Variants in ZZZ3 observed in about 807,000 individuals in gnomAD.
ZZZ3 encodes the protein ZZ-type zinc finger-containing protein 3.
Under a neutral mutation model 95.2 loss-of-function variants are expected in ZZZ3, and 22 were observed. The observed-to-expected ratio is 0.23, with a 90% CI of 0.17 to 0.33. The LOEUF (loss-of-function observed/expected upper bound fraction) is 0.33, where lower values mean the gene tolerates loss of function less well. Among genes scored for constraint, ZZZ3 ranks in the 10% least tolerant of loss-of-function variants. The probability of loss-of-function intolerance (pLI) is 1.00; values close to 1 mark genes in which losing one functional copy is unlikely to be tolerated. For missense variants in ZZZ3, 885 were observed against 1,066.5 expected (o/e 0.83, Z 2.37); for synonymous variants, 335 against 358.9 (o/e 0.93, Z 0.75).
In ZZZ3 at chr1:77,565,467, G is replaced by C; in HGVS notation, c.*173C>G. 1 of 600,916 alleles carries C rather than the reference G, an allele frequency of 1.7e-6. No homozygotes were observed. The allele number at this position is 600,916 out of a possible 1,614,324, so 37.2% of individuals were successfully genotyped here. A position where few individuals can be genotyped will look rare whatever the true frequency, so the allele number is the denominator to read the frequency against. On this transcript the variant is annotated 3_prime_UTR_variant, in exon 15 of 15. Transcript: ENST00000370801. Reference sequence around the variant, plus strand: ...CAGGAATGTTCAGCTGCTGAACAGTGATCTAGAGCCACAACGGTGCAGAGC... The same window carrying C: ...CAGGAATGTTCAGCTGCTGAACAGTCATCTAGAGCCACAACGGTGCAGAGC...
At chr1:77,639,404 G>A in intron 4 of ZZZ3, 45 bp downstream of exon 4, 5 of 1,413,744 alleles carry the variant, frequency 3.5e-6, no homozygotes, top group Admixed American at 3.0e-5. Flanking sequence ...AGAAGAAGAA[G>A]TCAAACTATA....
chr1:77,594,519 C>T (rs569413780), intron 5 of ZZZ3, among the ~76,000 whole-genome samples: 80 of 152,080 alleles, frequency 5.3e-4, no homozygotes, highest in Non-Finnish European at 8.7e-4. Context: ...ACAGAAACTA[C>T]AAAAGAAAAT....
At chr1:77,585,972 AGAC>A (rs755201379) in intron 5 of ZZZ3, among the ~76,000 whole-genome samples, 28 of 152,226 alleles carry the variant, frequency 1.8e-4, no homozygotes, top group Non-Finnish European at 1.0e-4. Context: ...TTGAAGGGCA[AGAC>A]TCCTCTCCAG....
chr1:77,586,973 C>G (rs903206417), intron 5 of ZZZ3, among the ~76,000 whole-genome samples: 3 of 152,280 alleles, frequency 2.0e-5, no homozygotes, highest in Middle Eastern at 3.4e-3. Context: ...AAATCCAAGG[C>G]AAGATTCAAT....
intron 4 of ZZZ3, among the ~76,000 whole-genome samples, chr1:77,636,310 AT>A (rs1212637757): frequency 1.3e-5 from 2 of 152,172 alleles, no homozygotes; most frequent in Non-Finnish European, 2.9e-5. Flanking sequence ...TGGGAGCAAA[AT>A]TTGCCTTGCA....
intron 1 of ZZZ3, among the ~76,000 whole-genome samples, chr1:77,664,233 T>G (rs901694713): frequency 2.6e-5 from 4 of 152,308 alleles, no homozygotes; most frequent in Non-Finnish European, 4.4e-5. Context: ...TATATCTGTC[T>G]TAATAAACAC....
At chr1:77,652,889 T>TA (rs1669935140) in intron 1 of ZZZ3, among the ~76,000 whole-genome samples, 1 of 152,154 alleles carries the variant, frequency 6.6e-6, no homozygotes, top group Non-Finnish European at 1.5e-5. Context: ...TTATATAAAA[T>TA]ACCCTGAATA....
chr1:77,575,624 A>G (rs1264059155), intron 12 of ZZZ3, among the ~76,000 whole-genome samples: 1 of 152,198 alleles, frequency 6.6e-6, no homozygotes, highest in Non-Finnish European at 1.5e-5. Context: ...TGGGAGAGGG[A>G]AAAAAGGAAA....
intron 1 of ZZZ3, among the ~76,000 whole-genome samples, chr1:77,642,708 G>A (rs761351076): frequency 1.4e-4 from 21 of 152,146 alleles, no homozygotes; most frequent in Non-Finnish European, 2.5e-4. Context: ...AGCCATGATC[G>A]TGCCACTGCA....
chr1:77,567,742 AT>A (rs1455081728), intron 13 of ZZZ3, among the ~76,000 whole-genome samples: 1 of 152,190 alleles, frequency 6.6e-6, no homozygotes, highest in Non-Finnish European at 1.5e-5. Flanking sequence ...CATAATGTGT[AT>A]TACAAAATTC....
At chr1:77,637,967 C>A (rs1668444737) in intron 4 of ZZZ3, among the ~76,000 whole-genome samples, 1 of 152,172 alleles carries the variant, frequency 6.6e-6, no homozygotes, top group South Asian at 2.1e-4. Context: ...TGCAATCAAT[C>A]TAGTTTTAGA....
At chr1:77,589,395 A>G (rs1476351200) in intron 5 of ZZZ3, among the ~76,000 whole-genome samples, 1 of 151,684 alleles carries the variant, frequency 6.6e-6, no homozygotes, top group African/African-American at 2.4e-5. Flanking sequence ...TCAAGGAATT[A>G]GCAATCTGGA....
At chr1:77,612,295 T>A (rs1665888079) in intron 5 of ZZZ3, among the ~76,000 whole-genome samples, 1 of 151,988 alleles carries the variant, frequency 6.6e-6, no homozygotes, top group Non-Finnish European at 1.5e-5. Context: ...TGATAATAAA[T>A]GCTGGTTGAG....
intron 5 of ZZZ3, among the ~76,000 whole-genome samples, chr1:77,615,721 G>A (rs1666243404): frequency 6.6e-6 from 1 of 152,268 alleles, no homozygotes; most frequent in Non-Finnish European, 1.5e-5. Context: ...AGGATATTCT[G>A]CAAACTGTTC....
chr1:77,587,396 G>C (rs995116357), intron 5 of ZZZ3, among the ~76,000 whole-genome samples: 67 of 151,444 alleles, frequency 4.4e-4, no homozygotes, highest in African/African-American at 1.4e-3. Context: ...TCCTGAGTAG[G>C]TGGGACTACA....
chr1:77,592,243 G>C (rs1033094190), intron 5 of ZZZ3, among the ~76,000 whole-genome samples: 43 of 152,292 alleles, frequency 2.8e-4, no homozygotes, highest in African/African-American at 9.9e-4. Context: ...ATGCAATCCT[G>C]TCTAGAGAAA....
At chr1:77,605,467 C>G (rs969475232) in intron 5 of ZZZ3, among the ~76,000 whole-genome samples, 1 of 152,088 alleles carries the variant, frequency 6.6e-6, no homozygotes, top group Non-Finnish European at 1.5e-5. Context: ...CAGCTGGGCT[C>G]GAAGCCAGGA....
In ZZZ3 at chr1:77,576,234, C is replaced by T. The variant is rs761044712; in HGVS notation, c.2179-14G>A. The T allele has an allele frequency of 6.4e-7, 1 of 1,557,194 alleles. No individual in the cohort carries two copies. On this transcript the variant is annotated splice_polypyrimidine_tract_variant and intron_variant, in intron 11 of 14. Transcript: ENST00000370801. Reference sequence around the variant, plus strand: ...GCTTGTTGAAGACTAAGTAAGAAAACAAATTTTTAATTGGTTCAGTGAAAA... The same window carrying T: ...GCTTGTTGAAGACTAAGTAAGAAAATAAATTTTTAATTGGTTCAGTGAAAA...
chr1:77,642,077 G>A (rs968181464), intron 1 of ZZZ3, among the ~76,000 whole-genome samples: 6 of 151,958 alleles, frequency 3.9e-5, no homozygotes, highest in Admixed American at 6.6e-5. Flanking sequence ...AGATAATGAC[G>A]GTCCTTTAAA....
Sources: allele counts gnomAD v4.1 joint callset (sites outside exome capture counted in the v4.1 genomes callset), GRCh38; gene constraint gnomAD v4.1.1; transcripts MANE v1.5; gene names NCBI Gene and HGNC (gene_info 2026-07-23, HGNC 2026-07-21).